ZNF521: variants seen among roughly 807,000 people sequenced by gnomAD.
The protein encoded by ZNF521 is LYST-interacting protein 3.
ZNF521 carries 14 observed loss-of-function variants against 105.5 expected under a neutral mutation model. The observed-to-expected ratio is 0.13, with a 90% CI of 0.09 to 0.21. ZNF521 has a LOEUF of 0.21. Among genes scored for constraint, ZNF521 ranks in the 10% least tolerant of loss-of-function variants. The pLI is 1.00. For synonymous variants in ZNF521, 635 were observed against 606.0 expected (o/e 1.05, Z -0.70); for missense variants, 1,233 against 1,629.7 (o/e 0.76, Z 4.19).
At chr18:25,080,013 C>A (rs952601179) in intron 7 of ZNF521, among the ~76,000 whole-genome samples, 9 of 152,138 alleles carry the variant, frequency 5.9e-5, no homozygotes, top group Admixed American at 1.3e-4. Flanking sequence ...CTTTTATGGG[C>A]GCTTTGGGTT....
At chr18:25,098,764 C>T (rs908296396) in intron 5 of ZNF521, among the ~76,000 whole-genome samples, 2 of 152,016 alleles carry the variant, frequency 1.3e-5, no homozygotes, top group Admixed American at 6.6e-5. Context: ...GTCAATTCTC[C>T]CCCTCATTTA....
chr18:25,143,557 T>C (rs1015897746), intron 5 of ZNF521, among the ~76,000 whole-genome samples: 1 of 152,160 alleles, frequency 6.6e-6, no homozygotes, highest in African/African-American at 2.4e-5. Context: ...ATTTTAAAAT[T>C]AAAAGTGATA....
chr18:25,248,679 T>C (rs1221682888), intron 3 of ZNF521, among the ~76,000 whole-genome samples: 1 of 152,244 alleles, frequency 6.6e-6, no homozygotes, highest in Non-Finnish European at 1.5e-5. Context: ...TAGTCATTAA[T>C]AACAGTGTAA....
chr18:25,261,909 G>C (rs1377170567), intron 3 of ZNF521, among the ~76,000 whole-genome samples: 1 of 152,092 alleles, frequency 6.6e-6, no homozygotes, highest in African/African-American at 2.4e-5. Flanking sequence ...CCTCATCAGC[G>C]TTAAAGAAAA....
chr18:25,323,408 T>C (rs7359708), intron 2 of ZNF521, among the ~76,000 whole-genome samples: 81,448 of 151,728 alleles, frequency 0.54, 22,140 homozygotes, highest in Non-Finnish European at 0.56. Context: ...AATATGATAA[T>C]TTAAATACAA....
At chr18:25,233,049 T>C (rs1332092328) in intron 3 of ZNF521, among the ~76,000 whole-genome samples, 1 of 152,228 alleles carries the variant, frequency 6.6e-6, no homozygotes, top group Non-Finnish European at 1.5e-5. Context: ...AGTCGGGCTC[T>C]ACTTAAAGAG....
At chr18:25,327,395 T>C (rs1042598361) in intron 2 of ZNF521, 16 of 1,139,910 alleles carry the variant, frequency 1.4e-5, no homozygotes, top group Non-Finnish European at 1.7e-5. Flanking sequence ...AAAGTTCATA[T>C]GTGTACTCAC....
chr18:25,131,504 T>C (rs2144396281), intron 5 of ZNF521, among the ~76,000 whole-genome samples: 1 of 152,292 alleles, frequency 6.6e-6, no homozygotes, highest in Middle Eastern at 3.4e-3. Context: ...CAAATACTTT[T>C]TCCTGTGCTC....
chr18:25,264,284 T>C lies in ZNF521; in HGVS notation c.221-36587A>G, dbSNP rs960414923. Among the ~76,000 whole-genome samples the C allele has an allele frequency of 2.0e-5, 3 of 152,214 alleles. No homozygotes were observed. In the East Asian group the frequency reaches 5.8e-4, roughly 29 times the overall value. On this transcript the variant is annotated intron_variant, in intron 3 of 7. Transcript: ENST00000361524. ...TGTTCCAGCATTTTGAGTCTTAGAATGTTGAATATAAGCACTTTACACAGA... is the reference window on the plus strand; with the variant it reads ...TGTTCCAGCATTTTGAGTCTTAGAACGTTGAATATAAGCACTTTACACAGA...
chr18:25,252,169 C>T (rs947145559), intron 3 of ZNF521, among the ~76,000 whole-genome samples: 1 of 152,060 alleles, frequency 6.6e-6, no homozygotes, highest in African/African-American at 2.4e-5. Context: ...CTTACTAATA[C>T]TGGACTCCTA....
chr18:25,307,199 C>T (rs1912031586), intron 3 of ZNF521, among the ~76,000 whole-genome samples: 1 of 152,156 alleles, frequency 6.6e-6, no homozygotes, highest in South Asian at 2.1e-4. Flanking sequence ...GCAAGAGCTT[C>T]CTATCTCAAA....
chr18:25,329,289 T>C (rs1236951499), intron 2 of ZNF521, among the ~76,000 whole-genome samples: 4 of 135,780 alleles, frequency 2.9e-5, no homozygotes, highest in Non-Finnish European at 6.5e-5. Context: ...TTACCCAAGT[T>C]TGCCATTTGA....
intron 2 of ZNF521, among the ~76,000 whole-genome samples, chr18:25,350,597 C>T (rs1430366905): frequency 6.7e-6 from 1 of 149,130 alleles, no homozygotes; most frequent in Middle Eastern, 3.5e-3. Context: ...ATTTTTTTTT[C>T]CTCCCTCTCC....
chr18:25,097,669 T>C (rs549934061), intron 5 of ZNF521, among the ~76,000 whole-genome samples: 11 of 152,252 alleles, frequency 7.2e-5, no homozygotes, highest in African/African-American at 2.4e-4. Context: ...TCCAGGTTCC[T>C]GGACCCTGAC....
In ZNF521 at chr18:25,171,082, T is replaced by C. The variant is rs74354792; in HGVS notation, c.3658+24078A>G. On this transcript the variant is annotated intron_variant, in intron 5 of 7. Coordinates refer to ENST00000361524, the MANE Select transcript of ZNF521 (RefSeq NM_015461.3). ...TTGCATTCATAATTGTGCTACAGAA[T>C]TCATATGTAGACTGAAACATAAAAT... Among the ~76,000 whole-genome samples the C allele has an allele frequency of 5.3e-3, 804 of 152,266 alleles. 7 individuals carry two copies. Among genetic ancestry groups the C allele is most frequent in the African/African-American group, 0.018 (755 of 41,582 alleles).
In ZNF521 at chr18:25,284,909, C is replaced by G. The variant is rs538850084; in HGVS notation, c.220+37099G>C. The stretch of plus-strand genomic sequence containing the variant: ...ACAAACACTCATGTGCGTGCGCGCG[C>G]GCACACACACACACACACACACACA... On this transcript the variant is annotated intron_variant, in intron 3 of 7. Coordinates refer to ENST00000361524, the MANE Select transcript of ZNF521 (RefSeq NM_015461.3). 2.0e-5 allele frequency among the ~76,000 whole-genome samples: 3 copies of G among 148,776 alleles called. No individual in the cohort carries two copies. In the East Asian group the frequency reaches 5.9e-4, roughly 29 times the overall value.
At chr18:25,344,896 T>A (rs1415856145) in intron 2 of ZNF521, among the ~76,000 whole-genome samples, 2 of 152,178 alleles carry the variant, frequency 1.3e-5, no homozygotes, top group African/African-American at 2.4e-5. Context: ...GCAATGTGAA[T>A]CCTGACAGAT....
intron 4 of ZNF521, among the ~76,000 whole-genome samples, chr18:25,206,158 C>G (rs772705555): frequency 6.6e-6 from 1 of 152,084 alleles, no homozygotes; most frequent in Non-Finnish European, 1.5e-5. Flanking sequence ...CATGAGCTAC[C>G]TCGCCCAGCT....
chr18:25,153,307 A>G (rs1424645645), intron 5 of ZNF521, among the ~76,000 whole-genome samples: 1 of 152,230 alleles, frequency 6.6e-6, no homozygotes, highest in Non-Finnish European at 1.5e-5. Context: ...TTAAAAATTT[A>G]TTTCCTACAC....
Sources: allele counts gnomAD v4.1 joint callset (sites outside exome capture counted in the v4.1 genomes callset), GRCh38; gene constraint gnomAD v4.1.1; transcripts MANE v1.5; gene names NCBI Gene and HGNC (gene_info 2026-07-23, HGNC 2026-07-21).